Variants in ZSCAN25 observed in about 807,000 individuals in gnomAD.
ZSCAN25 encodes the protein zinc finger and SCAN domain containing 25, also known as zinc finger and SCAN domain-containing protein 25.
A neutral mutation model predicts 38.7 loss-of-function variants in ZSCAN25; 27 were observed. The ratio of observed to expected loss-of-function variants is 0.70; its 90% CI spans 0.51 to 0.96. ZSCAN25 has a LOEUF of 0.96. Ranked by LOEUF, ZSCAN25 falls within the 40% of genes least tolerant of loss-of-function variation. ZSCAN25 has a pLI of 0.00. For synonymous variants in ZSCAN25, 273 were observed against 277.7 expected (o/e 0.98, Z 0.17); for missense variants, 637 against 705.9 (o/e 0.90, Z 1.11).
Position 99,629,366 on chromosome 7 carries a change from C to T in ZSCAN25, c.981C>T (p.Pro327=), listed in dbSNP as rs1202816791. Residue 327 remains proline (P), a synonymous_variant, in exon 8 of 8, where the codon CCC becomes CCT. Coordinates refer to ENST00000394152, the MANE Select transcript of ZSCAN25 (RefSeq NM_145115.3). This position sits in a 1 kb window ranked among gnomAD's most constrained non-coding sequence, Gnocchi z 5.6. ...PAGSAPGLPP[P]QHGAIPLPDE... ...GCAGTGCGCCTGGGCTTCCTCCTCC[C>T]CAGCACGGTGCCATCCCCCTGCCTG... The T allele has an allele frequency of 6.2e-7, 1 of 1,614,192 alleles. No individual in the cohort carries two copies. The highest frequency in any genetic ancestry group is 8.5e-7 in the Non-Finnish European group (1 of 1,180,024).
chr7:99,717,401 A>G, the ZSCAN25 span: 3 of 1,588,640 alleles, frequency 1.9e-6, no homozygotes, highest in Non-Finnish European at 2.6e-6. Context: ...ACATAAAAAG[A>G]CTATTTTTAG....
the ZSCAN25 span, among the ~76,000 whole-genome samples, chr7:99,733,949 G>A: frequency 1.9e-3 from 289 of 152,266 alleles, 1 homozygote; most frequent in Non-Finnish European, 3.2e-3. Context: ...TTGTACATTA[G>A]ACTCATATTC....
chr7:99,694,985 A>T, the ZSCAN25 span, among the ~76,000 whole-genome samples: 1 of 90,708 alleles, frequency 1.1e-5, no homozygotes, highest in Non-Finnish European at 1.8e-5. Flanking sequence ...GCCTTTGTTT[A>T]AAAAAAAAAC....
the ZSCAN25 span, among the ~76,000 whole-genome samples, chr7:99,677,629 G>A: frequency 6.6e-6 from 1 of 152,204 alleles, no homozygotes; most frequent in Admixed American, 6.5e-5. Flanking sequence ...ATTACATGAA[G>A]GGCAGGGTTT....
At chr7:99,694,708 T>C in the ZSCAN25 span, among the ~76,000 whole-genome samples, 3 of 152,066 alleles carry the variant, frequency 2.0e-5, no homozygotes, top group African/African-American at 7.3e-5. Context: ...CTTGGAAGAA[T>C]TGGAATCAGG....
intron 7 of ZSCAN25, among the ~76,000 whole-genome samples, chr7:99,628,516 C>T (rs889340066): frequency 5.9e-5 from 9 of 152,206 alleles, no homozygotes; most frequent in African/African-American, 1.9e-4. Flanking sequence ...ATTTCAGCAG[C>T]GTCATGGTCT....
At chr7:99,685,148 C>G in the ZSCAN25 span, 2 of 1,601,330 alleles carry the variant, frequency 1.2e-6, no homozygotes, top group African/African-American at 2.7e-5. Context: ...ATTCAGGTTC[C>G]ACTTACGGTC....
rs770816128 is a variant in ZSCAN25 at position 99,629,759 on chromosome 7, C to T, written c.1374C>T (p.Pro458=). Residue 458 remains proline, a synonymous_variant, in exon 8 of 8, where the codon CCC becomes CCT. Coordinates refer to ENST00000394152, the MANE Select transcript of ZSCAN25 (RefSeq NM_145115.3). The surrounding 1 kb of genome is among the most constrained non-coding windows in gnomAD (Gnocchi z 5.6). ...GGAGGACGCACACCGGGGAGAAGCC[C>T]TACACCTGCGAGTGTGGCAAGAGCT... ...VHRRTHTGEK[P]YTCECGKSFS... is the part of the protein sequence containing the mutation. 4 of 1,614,230 alleles carry T rather than the reference C, an allele frequency of 2.5e-6. No homozygotes were observed. In the Admixed American group the frequency reaches 6.7e-5, roughly 27 times the overall value.
At chr7:99,675,648 C>A in the ZSCAN25 span, among the ~76,000 whole-genome samples, 5 of 556 alleles carry the variant, frequency 9.0e-3, 1 homozygote, top group African/African-American at 0.017. Flanking sequence ...TCTCCTCCCC[C>A]CTCCCCTCCC....
chr7:99,719,099 T>C, the ZSCAN25 span, among the ~76,000 whole-genome samples: 2 of 152,202 alleles, frequency 1.3e-5, no homozygotes, highest in Non-Finnish European at 1.5e-5. Flanking sequence ...TACATTTAAT[T>C]CAATTCTTGT....
the ZSCAN25 span, among the ~76,000 whole-genome samples, chr7:99,709,545 G>A: frequency 6.6e-6 from 1 of 152,088 alleles, no homozygotes; most frequent in Non-Finnish European, 1.5e-5. Context: ...CTTTCTCATG[G>A]AAGCAAACAT....
chr7:99,647,654 A>T, the ZSCAN25 span: 6 of 985,458 alleles, frequency 6.1e-6, no homozygotes, highest in Non-Finnish European at 7.2e-6. Flanking sequence ...GCAGAATGAA[A>T]CTATGAATAT....
At chr7:99,695,544 C>T in the ZSCAN25 span, among the ~76,000 whole-genome samples, 28 of 152,170 alleles carry the variant, frequency 1.8e-4, no homozygotes, top group Non-Finnish European at 3.5e-4. Context: ...TTGGACTGTT[C>T]AACTGAGGCA....
chr7:99,700,733 G>T, the ZSCAN25 span, among the ~76,000 whole-genome samples: 1 of 152,168 alleles, frequency 6.6e-6, no homozygotes, highest in South Asian at 2.1e-4. Context: ...CTGGACCCTA[G>T]CAGGGTACTG....
chr7:99,683,572 A>G, the ZSCAN25 span, among the ~76,000 whole-genome samples: 1 of 151,974 alleles, frequency 6.6e-6, no homozygotes, highest in Non-Finnish European at 1.5e-5. Context: ...TTATTTACTT[A>G]TTTCATCAAT....
At chr7:99,664,103 A>G in the ZSCAN25 span, 3 of 1,559,754 alleles carry the variant, frequency 1.9e-6, no homozygotes, top group African/African-American at 4.2e-5. Flanking sequence ...GTACTGTGGG[A>G]AAAACAAAAC....
intron 7 of ZSCAN25, among the ~76,000 whole-genome samples, chr7:99,625,081 T>G (rs1301330838): frequency 6.6e-6 from 1 of 152,144 alleles, no homozygotes; most frequent in Non-Finnish European, 1.5e-5. Flanking sequence ...TGTGCTTCCT[T>G]CAGGACGTAA....
rs1005536718 is a variant in ZSCAN25, at chr7:99,630,935, G to A, written c.*915G>A. ...TAGTATTAATGCCCTATATTTGATGGCACTTTATAGTTCATAAAATTAATT... is the reference window on the plus strand; with the variant it reads ...TAGTATTAATGCCCTATATTTGATGACACTTTATAGTTCATAAAATTAATT... On this transcript the variant is annotated 3_prime_UTR_variant, in exon 8 of 8. Coordinates refer to ENST00000394152, the MANE Select transcript of ZSCAN25 (RefSeq NM_145115.3). 3 of 961,618 alleles carry A rather than the reference G, an allele frequency of 3.1e-6. No homozygotes were observed. Among genetic ancestry groups the A allele is most frequent in the Non-Finnish European group, 3.7e-6 (3 of 808,358 alleles). The allele number at this position is 961,618 out of a possible 1,614,324, so 59.6% of individuals were successfully genotyped here.
At chr7:99,677,207 T>G in the ZSCAN25 span, 1 of 985,402 alleles carries the variant, frequency 1.0e-6, no homozygotes, top group Non-Finnish European at 1.2e-6. Context: ...CTTGCAGACC[T>G]TCCCCCTCCG....
Sources: allele counts gnomAD v4.1 joint callset (sites outside exome capture counted in the v4.1 genomes callset), GRCh38; gene constraint gnomAD v4.1.1; non-coding constraint Gnocchi (gnomAD v3.1); transcripts MANE v1.5; gene names NCBI Gene and HGNC (gene_info 2026-07-23, HGNC 2026-07-21).